Variants in LAYN observed in about 807,000 individuals in gnomAD.
LAYN encodes layilin.
LAYN carries 38 observed loss-of-function variants against 43.6 expected under a neutral mutation model. The observed-to-expected ratio is 0.87, with a 90% CI of 0.67 to 1.14. LAYN has a LOEUF of 1.14. Ranked by LOEUF, LAYN falls within the 50% of genes most tolerant of loss-of-function variation. The pLI, the probability that LAYN is intolerant of heterozygous loss-of-function variation, is 0.00. For synonymous variants in LAYN, 168 were observed against 172.9 expected (o/e 0.97, Z 0.22); for missense variants, 479 against 463.8 (o/e 1.03, Z -0.30).
chr11:111,550,772 CT>C (rs1867728306), intron 3 of LAYN, among the ~76,000 whole-genome samples: 1 of 152,186 alleles, frequency 6.6e-6, no homozygotes, highest in Admixed American at 6.5e-5. Context: ...AAGCAAGGCA[CT>C]TGTTACATAC....
At chr11:111,541,429 T>C in intron 1 of LAYN, 1 of 790,900 alleles carries the variant, frequency 1.3e-6, no homozygotes, top group Non-Finnish European at 2.1e-6. Context: ...TTCTGCGGGG[T>C]TGGATGGCTG....
chr11:111,544,333 C>T, intron 2 of LAYN, 113 bp downstream of exon 2: 3 of 1,058,394 alleles, frequency 2.8e-6, no homozygotes, highest in Non-Finnish European at 4.0e-6. Flanking sequence ...AGGCAGATCT[C>T]TGAAGGGAAA....
chr11:111,545,919 CA>C (rs1379833502), intron 2 of LAYN, among the ~76,000 whole-genome samples: 1 of 152,186 alleles, frequency 6.6e-6, no homozygotes, highest in Non-Finnish European at 1.5e-5. Flanking sequence ...TTGGTGTCCT[CA>C]AGTGTTGGTG....
rs149210736 is a variant in LAYN, at chr11:111,553,631, A to C, written c.542-930A>C. Among the ~76,000 whole-genome samples, 31 of 151,616 alleles carry C rather than the reference A, an allele frequency of 2.0e-4. No individual in the cohort carries two copies. In the East Asian group the frequency reaches 5.6e-3, roughly 27 times the overall value. On this transcript the variant is annotated intron_variant, in intron 3 of 6. Transcript: ENST00000375614. ...AAGACTCTCTCACATAAAAAAAAAA[A>C]AAAACAACACTTAGAACAGTTTCTC...
At position 111,549,786 on chromosome 11, in the gene LAYN, C is replaced by T. The variant is rs1268798444; in HGVS notation, c.541+11C>T. ...GCAAATATTCTGATGGTAATGAATC[C>T]TCTCCCAAGCTATGCGGCTGAATTC... On this transcript the variant is annotated intron_variant, in intron 3 of 6. Coordinates refer to ENST00000375614, the MANE Select transcript of LAYN (RefSeq NM_178834.5). 7.5e-6 allele frequency: 12 copies of T among 1,593,912 alleles called. No homozygotes were observed. The highest frequency in any genetic ancestry group is 1.0e-5 in the Non-Finnish European group (12 of 1,172,612).
intron 2 of LAYN, among the ~76,000 whole-genome samples, chr11:111,548,281 A>G (rs921085986): frequency 3.3e-5 from 5 of 152,246 alleles, no homozygotes; most frequent in African/African-American, 4.8e-5. Context: ...AGTTATTACC[A>G]TGTGCACCTG....
chr11:111,547,821 ATAT>A (rs1867673905), intron 2 of LAYN, among the ~76,000 whole-genome samples: 1 of 152,038 alleles, frequency 6.6e-6, no homozygotes, highest in Non-Finnish European at 1.5e-5. Flanking sequence ...CCTGGATAAG[ATAT>A]TGTTGTTGAT....
At chr11:111,558,767 T>A (rs1867887950) in intron 6 of LAYN, among the ~76,000 whole-genome samples, 1 of 106,106 alleles carries the variant, frequency 9.4e-6, no homozygotes, top group South Asian at 3.2e-4. Flanking sequence ...ATTTTATTTA[T>A]TATTTTATTT....
intron 2 of LAYN, among the ~76,000 whole-genome samples, chr11:111,545,489 G>T (rs1197639101): frequency 2.6e-5 from 4 of 152,156 alleles, no homozygotes; most frequent in African/African-American, 7.2e-5. Flanking sequence ...TACCCAAATA[G>T]ATAACTCCTT....
chr11:111,543,365 T>A lies in LAYN; in HGVS notation c.86-558T>A, dbSNP rs11213937. Among the ~76,000 whole-genome samples the A allele has an allele frequency of 6.7e-4, 102 of 152,356 alleles. 1 individual carries two copies. In the East Asian group the frequency reaches 0.017, roughly 25 times the overall value. On this transcript the variant is annotated intron_variant, in intron 1 of 6. Transcript: ENST00000375614. ...GTTCAGTAAACCTTAACTGTTGTCT[T>A]TAGGTCAGAGGGCTGACTGTCAGTA...
At chr11:111,549,864 G>A (rs1867712770) in intron 3 of LAYN, 89 bp downstream of exon 3, 6 of 1,395,936 alleles carry the variant, frequency 4.3e-6, no homozygotes, top group African/African-American at 1.5e-5. Flanking sequence ...TTGTCATGTG[G>A]TCTCTGAGAA....
Position 111,560,510 on chromosome 11 carries a change from A to G in LAYN, c.*52A>G. The G allele has an allele frequency of 6.6e-7, 1 of 1,522,362 alleles. No individual in the cohort carries two copies. Among genetic ancestry groups the G allele is most frequent in the South Asian group, 1.3e-5 (1 of 79,324 alleles). 94.3% of individuals were successfully genotyped at this position (1,522,362 alleles called of 1,614,324 possible). A position where few individuals can be genotyped will look rare whatever the true frequency, so the allele number is the denominator to read the frequency against. On this transcript the variant is annotated 3_prime_UTR_variant, in exon 7 of 7. Transcript: ENST00000375614. ...CAATGGAAAAGAAATGATAAGCAAA[A>G]TCCTCTTATTTTCTATAAGGAAAAT... is the stretch of plus-strand genomic sequence containing the variant.
Position 111,555,275 on chromosome 11 carries a change from T to C in LAYN, c.643T>C (p.Phe215Leu). Residue 215 changes from phenylalanine (F) to leucine (L), a missense_variant, in exon 5 of 7, where the codon TTT (phenylalanine) becomes CTT (leucine). By Grantham distance (22) the Phe-to-Leu change is conservative (BLOSUM62 0). Coordinates refer to ENST00000375614, the MANE Select transcript of LAYN (RefSeq NM_178834.5). ...ETQEEDAKKT[F>L]KESREAALNL... Reference sequence around the variant, plus strand: ...ACAGGAAGAAGATGCCAAAAAAACATTTAAAGAAAGTAGAGGTATCTACAA... The same window carrying C: ...ACAGGAAGAAGATGCCAAAAAAACACTTAAAGAAAGTAGAGGTATCTACAA... The C allele has an allele frequency of 1.2e-6, 2 of 1,613,072 alleles. No individual in the cohort carries two copies. The highest frequency in any genetic ancestry group is 4.5e-5 in the East Asian group (2 of 44,842).
chr11:111,554,515 A>G, intron 3 of LAYN, 46 bp from the exon 4 acceptor site: 5 of 1,491,600 alleles, frequency 3.4e-6, no homozygotes, highest in Non-Finnish European at 4.7e-6. Context: ...TTCAGATGCC[A>G]TAAAAACTTA....
Position 111,559,782 on chromosome 11 carries a change from G to GT in LAYN, c.762-305dup, listed in dbSNP as rs201784005. ...CTGAGGTGTTTTTTTGTTTTTTTGGGTTTTTTTTGTAATGTGGTATTTTTT... is the reference window on the plus strand; with the variant it reads ...CTGAGGTGTTTTTTTGTTTTTTTGGGTTTTTTTTTGTAATGTGGTATTTTTT... On this transcript the variant is annotated intron_variant, in intron 6 of 6. Coordinates refer to ENST00000375614, the MANE Select transcript of LAYN (RefSeq NM_178834.5). Among the ~76,000 whole-genome samples the GT allele has an allele frequency of 8.8e-4, 134 of 151,654 alleles. 1 individual carries two copies. The highest frequency in any genetic ancestry group is 2.7e-3 in the African/African-American group (110 of 41,352).
At chr11:111,545,330 C>T (rs80323785) in intron 2 of LAYN, among the ~76,000 whole-genome samples, 20 of 152,274 alleles carry the variant, frequency 1.3e-4, no homozygotes, top group Admixed American at 3.3e-4. Flanking sequence ...ATTCCCTTAC[C>T]GTCTGCTGGT....
chr11:111,541,249 C>T (rs1867531515), intron 1 of LAYN: 2 of 591,298 alleles, frequency 3.4e-6, no homozygotes, highest in South Asian at 2.0e-5. Context: ...GGTGCCCCTT[C>T]GGCCCGCTCC....
At chr11:111,546,096 T>C (rs141742825) in intron 2 of LAYN, among the ~76,000 whole-genome samples, 1 of 152,324 alleles carries the variant, frequency 6.6e-6, no homozygotes, top group East Asian at 1.9e-4. Context: ...CTGGGGTGGC[T>C]AATAACAGGC....
chr11:111,556,939 A>G (rs140292002), intron 5 of LAYN, among the ~76,000 whole-genome samples: 147 of 152,322 alleles, frequency 9.7e-4, no homozygotes, highest in African/African-American at 3.2e-3. Context: ...TCATGGACCC[A>G]ACTGAATCTA....
Sources: gnomAD v4.1 joint callset for allele counts (sites outside exome capture counted in the v4.1 genomes callset) on GRCh38, gnomAD v4.1.1 for gene constraint, MANE v1.5 for transcripts, NCBI Gene and HGNC (gene_info 2026-07-23, HGNC 2026-07-21) for gene names.